RBL1: variants seen among roughly 807,000 people sequenced by gnomAD.
The protein encoded by RBL1 is RB transcriptional corepressor like 1.
In RBL1, 82 loss-of-function variants were observed where a neutral mutation model predicts 123.0. The observed-to-expected ratio is 0.67, with a 90% CI of 0.56 to 0.80. RBL1 has a LOEUF of 0.80. RBL1 is among the 30% of genes least tolerant of loss of function. The pLI is 0.00. For missense variants in RBL1, 1,171 were observed against 1,299.6 expected (o/e 0.90, Z 1.52); for synonymous variants, 405 against 441.3 (o/e 0.92, Z 1.03).
chr20:37,004,503 A>G (rs1266356641), intron 20 of RBL1, among the ~76,000 whole-genome samples: 1 of 149,866 alleles, frequency 6.7e-6, no homozygotes, highest in African/African-American at 2.4e-5. Context: ...ACCTGAGGTC[A>G]GGAGTTTGAG....
At chr20:37,050,002 C>T (rs1474438258) in intron 11 of RBL1, among the ~76,000 whole-genome samples, 3 of 147,714 alleles carry the variant, frequency 2.0e-5, no homozygotes, top group East Asian at 4.0e-4. Context: ...GCGGAGGTTG[C>T]GGTGAGCCAA....
intron 15 of RBL1, among the ~76,000 whole-genome samples, chr20:37,033,663 G>A (rs1371615703): frequency 6.7e-6 from 1 of 150,320 alleles, no homozygotes; most frequent in African/African-American, 2.4e-5. Flanking sequence ...CCAGGTGGGA[G>A]TGCAGTGGCC....
intron 2 of RBL1, among the ~76,000 whole-genome samples, chr20:37,071,962 C>CT (rs2065288070): frequency 6.6e-6 from 1 of 152,094 alleles, no homozygotes; most frequent in African/African-American, 2.4e-5. Context: ...AAATAAATCT[C>CT]TTTTTTTAAA....
At chr20:37,088,892 A>G in intron 2 of RBL1, 97 bp downstream of exon 2, 1 of 822,940 alleles carries the variant, frequency 1.2e-6, no homozygotes, top group Non-Finnish European at 1.7e-6. Flanking sequence ...AATAAATAAA[A>G]TAAAAATTAA....
chr20:37,051,243 G>A (rs1346226787), intron 11 of RBL1, among the ~76,000 whole-genome samples: 3 of 151,666 alleles, frequency 2.0e-5, no homozygotes, highest in African/African-American at 7.3e-5. Context: ...GTGCAATGGC[G>A]TGATCTCAGC....
chr20:37,082,356 C>G (rs1052378211), intron 2 of RBL1, among the ~76,000 whole-genome samples: 1 of 152,102 alleles, frequency 6.6e-6, no homozygotes, highest in Non-Finnish European at 1.5e-5. Flanking sequence ...TAAGAAAGTT[C>G]GGGAAATGGT....
chr20:37,058,776 T>C (rs545354719), intron 9 of RBL1, among the ~76,000 whole-genome samples: 13 of 152,068 alleles, frequency 8.5e-5, no homozygotes, highest in Admixed American at 7.9e-4. Context: ...TTTTTTTTTT[T>C]TGTTGAGATA....
chr20:37,062,334 G>A (rs2065110168), intron 7 of RBL1, 64 bp from the exon 8 acceptor site: 3 of 1,553,676 alleles, frequency 1.9e-6, no homozygotes, highest in Non-Finnish European at 2.6e-6. Context: ...TTGACTTGAA[G>A]ATAGATTTAG....
At chr20:37,064,963 A>C (rs1600563610) in intron 7 of RBL1, among the ~76,000 whole-genome samples, 2 of 134,888 alleles carry the variant, frequency 1.5e-5, no homozygotes, top group Non-Finnish European at 1.6e-5. Context: ...ATAGGGTCTC[A>C]CTCTGTCACC....
chr20:37,027,036 C>A (rs1039790429), intron 16 of RBL1, among the ~76,000 whole-genome samples: 19 of 149,410 alleles, frequency 1.3e-4, no homozygotes, highest in Middle Eastern at 3.5e-3. Context: ...CAAAAAAAAA[C>A]CAAAAAATTA....
In RBL1 at chr20:37,088,864, A is replaced by AAAAT. The variant is rs535306752; in HGVS notation, c.290+121_290+124dup. 1.7e-3 allele frequency: 1,095 copies of AAAAT among 638,074 alleles called. 4 individuals are homozygous for AAAAT. Among genetic ancestry groups the AAAAT allele is most frequent in the African/African-American group, 0.017 (868 of 51,564 alleles). The allele number at this position is 638,074 out of a possible 1,614,324, so 39.5% of individuals were successfully genotyped here. ...GCTGGCACAGTGAGACTGCGTCTCAAAAATAAATAAATAAATAAATAAATA... is the reference window on the plus strand; with the variant it reads ...GCTGGCACAGTGAGACTGCGTCTCAAAAATAAATAAATAAATAAATAAATAAATA... On this transcript the variant is annotated intron_variant, in intron 2 of 21. Coordinates refer to ENST00000373664, the MANE Select transcript of RBL1 (RefSeq NM_002895.5).
At chr20:37,022,444 A>C (rs1468739357) in intron 17 of RBL1, among the ~76,000 whole-genome samples, 2 of 152,102 alleles carry the variant, frequency 1.3e-5, no homozygotes, top group Non-Finnish European at 2.9e-5. Flanking sequence ...CTCCCACCTC[A>C]GTCTCCCAAG....
intron 19 of RBL1, among the ~76,000 whole-genome samples, chr20:37,016,442 A>G (rs1180872393): frequency 1.3e-5 from 2 of 152,256 alleles, no homozygotes; most frequent in Non-Finnish European, 1.5e-5. Flanking sequence ...ATTCTAGGAC[A>G]TTATTAAAAG....
At chr20:37,004,210 A>G (rs1409160684) in intron 20 of RBL1, among the ~76,000 whole-genome samples, 1 of 151,156 alleles carries the variant, frequency 6.6e-6, no homozygotes, top group Non-Finnish European at 1.5e-5. Flanking sequence ...AGCTGGGATT[A>G]CAGGCATGTG....
At chr20:37,051,926 T>G (rs1282424734) in intron 11 of RBL1, among the ~76,000 whole-genome samples, 1 of 151,728 alleles carries the variant, frequency 6.6e-6, no homozygotes. Context: ...AGATATGCCA[T>G]GCAAACATTA....
chr20:37,012,930 C>G lies in RBL1; in HGVS notation c.2722+5349G>C, dbSNP rs577573283. ...GGAGGGAGGTGGGGGGTTCAGCCCCCCCGCCAGCCAGCCGCCCCGTCCGGG... is the reference window on the plus strand; with the variant it reads ...GGAGGGAGGTGGGGGGTTCAGCCCCGCCGCCAGCCAGCCGCCCCGTCCGGG... On this transcript the variant is annotated intron_variant, in intron 19 of 21. Transcript: ENST00000373664. 7.8e-3 allele frequency among the ~76,000 whole-genome samples: 1,162 copies of G among 148,676 alleles called. 18 individuals are homozygous for G. Among genetic ancestry groups the G allele is most frequent in the African/African-American group, 0.027 (1,091 of 40,058 alleles).
intron 18 of RBL1, among the ~76,000 whole-genome samples, chr20:37,019,750 A>G (rs896807731): frequency 2.0e-5 from 3 of 152,192 alleles, no homozygotes; most frequent in African/African-American, 4.8e-5. Context: ...CTAAGAGCAG[A>G]GCAACTAGGT....
intron 11 of RBL1, among the ~76,000 whole-genome samples, chr20:37,051,585 T>C (rs554429537): frequency 6.6e-6 from 1 of 152,128 alleles, no homozygotes; most frequent in Non-Finnish European, 1.5e-5. Flanking sequence ...TTAAGTGAGG[T>C]AAGATTTCTA....
rs1156719955 is a variant in RBL1, at chr20:37,022,719, G to A, written c.2490C>T (p.His830=). 1.2e-6 allele frequency: 2 copies of A among 1,613,948 alleles called. No homozygotes were observed. Among genetic ancestry groups the A allele is most frequent in the African/African-American group, 2.7e-5 (2 of 74,934 alleles). Residue 830 remains histidine, a synonymous_variant, in exon 17 of 22, where the codon CAC becomes CAT. Coordinates refer to ENST00000373664, the MANE Select transcript of RBL1 (RefSeq NM_002895.5). The part of the protein sequence containing the change: ...IWTCFEFTLV[H]CPDLMKDRHL... ...GCCTGTCTTTCATTAGATCAGGACA[G>A]TGAACTAAAGTGAATTCAAAACACG...
Sources: gnomAD v4.1 joint callset for allele counts (sites outside exome capture counted in the v4.1 genomes callset) on GRCh38, gnomAD v4.1.1 for gene constraint, MANE v1.5 for transcripts, NCBI Gene and HGNC (gene_info 2026-07-23, HGNC 2026-07-21) for gene names.